TPD52L2: variants seen among roughly 807,000 people sequenced by gnomAD.
TPD52L2 encodes the protein tumor protein D54.
TPD52L2 carries 19 observed loss-of-function variants against 24.7 expected under a neutral mutation model. That is an observed-to-expected ratio of 0.77 (90% CI 0.54 to 1.13). The LOEUF (loss-of-function observed/expected upper bound fraction) is 1.13, where lower values mean the gene tolerates loss of function less well. TPD52L2 is among the 50% of genes most tolerant of loss of function. The pLI is 0.00. For missense variants in TPD52L2, 236 were observed against 250.4 expected, an observed-to-expected ratio of 0.94 and a Z score of 0.39; for synonymous variants, 104 against 100.2, an observed-to-expected ratio of 1.04 and a Z score of -0.23.
At chr20:63,881,148 G>T (rs2052881938) in intron 4 of TPD52L2, among the ~76,000 whole-genome samples, 1 of 152,040 alleles carries the variant, frequency 6.6e-6, no homozygotes, top group African/African-American at 2.4e-5. Flanking sequence ...GATCACCTGA[G>T]GTCAGGAGTT....
Position 63,877,665 on chromosome 20 carries a change from C to T in TPD52L2, c.374+1790C>T, listed in dbSNP as rs1264167807. Among the ~76,000 whole-genome samples the T allele has an allele frequency of 1.3e-5, 2 of 152,238 alleles. No individual in the cohort carries two copies. The highest frequency in any genetic ancestry group is 2.9e-5 in the Non-Finnish European group (2 of 68,044). On this transcript the variant is annotated intron_variant, in intron 4 of 6. Transcript: ENST00000346249. The surrounding 1 kb of genome is among the most constrained non-coding windows in gnomAD (Gnocchi z 4.1). The stretch of plus-strand genomic sequence containing the variant: ...TGTAAAACCAACTGACATAAAGCTG[C>T]CGGGATCCTATTTCAAATAAATAGT...
chr20:63,873,949 A>T, intron 3 of TPD52L2, 133 bp downstream of exon 3: 1 of 1,050,300 alleles, frequency 9.5e-7, no homozygotes, highest in East Asian at 3.1e-5. Context: ...GTTTGGAAGG[A>T]TCCAGAGAGA....
Position 63,869,417 on chromosome 20 carries a change from G to A in TPD52L2, c.141G>A (p.Glu47=). 6.2e-7 allele frequency: 1 copy of A among 1,614,204 alleles called. No homozygotes were observed. Among genetic ancestry groups the A allele is most frequent in the Non-Finnish European group, 8.5e-7 (1 of 1,180,048 alleles). The change falls in exon 2 of 7, where the codon GAG becomes GAA. Residue 47 remains glutamate (E), a synonymous_variant. Transcript: ENST00000346249. ...AVEGLTEAEE[E]ELRAELTKVE... ...AGGGTCTGACAGAGGCTGAGGAGGA[G>A]GAGCTCAGGGCTGAGCTTACCAAGG...
In TPD52L2 at chr20:63,877,797, CCT is replaced by C. The variant is rs1218120871; in HGVS notation, c.374+1923_374+1924del. On this transcript the variant is annotated intron_variant, in intron 4 of 6. Transcript: ENST00000346249. The surrounding 1 kb of genome is among the most constrained non-coding windows in gnomAD (Gnocchi z 4.1). ...TGCATCACCTGGCCGAGGCCATTCC[CCT>C]GAGTTCTGTGGCGAGAGCTGTCAAC... is the stretch of plus-strand genomic sequence containing the variant. Among the ~76,000 whole-genome samples the C allele has an allele frequency of 6.6e-6, 1 of 152,278 alleles. No individual in the cohort carries two copies. Among genetic ancestry groups the C allele is most frequent in the African/African-American group, 2.4e-5 (1 of 41,478 alleles).
chr20:63,886,430 G>C (rs534983600), intron 5 of TPD52L2, among the ~76,000 whole-genome samples: 11 of 151,420 alleles, frequency 7.3e-5, no homozygotes, highest in Non-Finnish European at 1.5e-4. Context: ...GCGCGATCTC[G>C]GCTCACTGCA....
At chr20:63,870,015 C>T (rs2052399179) in intron 2 of TPD52L2, among the ~76,000 whole-genome samples, 1 of 152,126 alleles carries the variant, frequency 6.6e-6, no homozygotes, top group Non-Finnish European at 1.5e-5. Flanking sequence ...GTAGTCCCAG[C>T]TACTCAGGAG....
At position 63,873,827 on chromosome 20, in the gene TPD52L2, G is replaced by C. The variant is rs199595389; in HGVS notation, c.314+11G>C. On this transcript the variant is annotated intron_variant, in intron 3 of 6. Transcript: ENST00000346249. ...GCAGGTCTCTAGCGCGTAGGTACCTGCCCCAGGCGCACCCCTGGGGGCTGA... is the reference window on the plus strand; with the variant it reads ...GCAGGTCTCTAGCGCGTAGGTACCTCCCCCAGGCGCACCCCTGGGGGCTGA... 3 of 1,507,838 alleles carry C rather than the reference G, an allele frequency of 2.0e-6. No individual in the cohort carries two copies. Among genetic ancestry groups the C allele is most frequent in the Non-Finnish European group, 2.7e-6 (3 of 1,131,164 alleles). 93.4% of individuals were successfully genotyped at this position (1,507,838 alleles called of 1,614,324 possible).
chr20:63,887,671 C>A, intron 5 of TPD52L2: 1 of 1,507,832 alleles, frequency 6.6e-7, no homozygotes, highest in Non-Finnish European at 9.2e-7. Context: ...GGGCAGCTCC[C>A]GCCGGTTACA....
intron 5 of TPD52L2, 113 bp from the exon 6 acceptor site, chr20:63,889,077 G>A: frequency 2.3e-6 from 2 of 864,762 alleles, no homozygotes; most frequent in Admixed American, 1.9e-5. Flanking sequence ...GAGATCTTGG[G>A]ATGTTGTTAG....
At chr20:63,873,644 T>G in intron 2 of TPD52L2, 24 bp from the exon 3 acceptor site, 3 of 1,609,926 alleles carry the variant, frequency 1.9e-6, no homozygotes, top group Non-Finnish European at 2.5e-6. Context: ...TGATGGCTCA[T>G]CATGTCAACT....
At chr20:63,875,146 A>T (rs2052619975) in intron 3 of TPD52L2, among the ~76,000 whole-genome samples, 1 of 146,082 alleles carries the variant, frequency 6.8e-6, no homozygotes. Flanking sequence ...TGTCTCAAAA[A>T]AAAAAAATAT....
At chr20:63,865,910 G>C (rs8122498) in intron 1 of TPD52L2, among the ~76,000 whole-genome samples, 12,161 of 152,216 alleles carry the variant, frequency 0.08, 547 homozygotes, top group East Asian at 0.12. Context: ...TTGCCTCATG[G>C]AGAGGGGGTG....
rs1018311926 is a variant in TPD52L2 at position 63,890,378 on chromosome 20, C to G, written c.*433C>G. The G allele has an allele frequency of 9.9e-6, 2 of 202,798 alleles. No homozygotes were observed. Among genetic ancestry groups the G allele is most frequent in the Non-Finnish European group, 9.9e-6 (1 of 101,158 alleles). The allele number at this position is 202,798 out of a possible 1,614,324, so 12.6% of individuals were successfully genotyped here. On this transcript the variant is annotated 3_prime_UTR_variant, in exon 7 of 7. Coordinates refer to ENST00000346249, the MANE Select transcript of TPD52L2 (RefSeq NM_003288.4). ...TCACAGAAGGAATGCAATCACCCAG[C>G]AAGTCCTACCTGTTACGCAATTTTT...
chr20:63,881,642 C>T (rs2052904271), intron 4 of TPD52L2, among the ~76,000 whole-genome samples: 1 of 152,172 alleles, frequency 6.6e-6, no homozygotes, highest in South Asian at 2.1e-4. Flanking sequence ...CCAGTCATCC[C>T]AGATGCCACT....
chr20:63,872,847 G>A (rs192878655), intron 2 of TPD52L2, among the ~76,000 whole-genome samples: 101 of 152,242 alleles, frequency 6.6e-4, no homozygotes, highest in African/African-American at 2.3e-3. Context: ...GGGACTACAG[G>A]TGCCCGCCAC....
intron 2 of TPD52L2, among the ~76,000 whole-genome samples, chr20:63,871,489 A>G (rs559085114): frequency 3.3e-5 from 5 of 151,512 alleles, no homozygotes; most frequent in Non-Finnish European, 7.4e-5. Flanking sequence ...AGCTGGGATT[A>G]CAGGCGCACA....
chr20:63,887,491 C>T (rs2053175335), intron 5 of TPD52L2: 1 of 1,531,284 alleles, frequency 6.5e-7, no homozygotes, highest in Non-Finnish European at 9.0e-7. Context: ...CCATCCCTGC[C>T]AAGTTGGGGT....
intron 5 of TPD52L2, chr20:63,887,686 G>A: frequency 7.2e-7 from 1 of 1,394,768 alleles, no homozygotes; most frequent in Non-Finnish European, 1.0e-6. Flanking sequence ...GTTACACCTT[G>A]CCCTTCCCAT....
chr20:63,876,601 C>G (rs1011225103), intron 4 of TPD52L2: 1 of 362,956 alleles, frequency 2.8e-6, no homozygotes, highest in African/African-American at 2.1e-5. Flanking sequence ...ATTTTTTCAT[C>G]TGTTATTTAG....
Sources: allele counts gnomAD v4.1 joint callset (sites outside exome capture counted in the v4.1 genomes callset), GRCh38; gene constraint gnomAD v4.1.1; non-coding constraint Gnocchi (gnomAD v3.1); transcripts MANE v1.5; gene names NCBI Gene and HGNC (gene_info 2026-07-23, HGNC 2026-07-21).